Variants in TBC1D19 observed in about 807,000 individuals in gnomAD.
TBC1D19 encodes the protein TBC1 domain family, member 19.
In TBC1D19, 60 loss-of-function variants were observed where a neutral mutation model predicts 89.0. The ratio of observed to expected loss-of-function variants is 0.67; its 90% CI spans 0.55 to 0.84. The LOEUF is 0.84. Ranked by LOEUF, TBC1D19 falls within the 40% of genes least tolerant of loss-of-function variation. The pLI, the probability that TBC1D19 is intolerant of heterozygous loss-of-function variation, is 0.00. For synonymous variants in TBC1D19, 189 were observed against 199.7 expected, an observed-to-expected ratio of 0.95 and a Z score of 0.45; for missense variants, 500 against 610.8, an observed-to-expected ratio of 0.82 and a Z score of 1.91.
At chr4:26,698,664 GAT>G (rs1256483966) in intron 13 of TBC1D19, among the ~76,000 whole-genome samples, 1 of 152,058 alleles carries the variant, frequency 6.6e-6, no homozygotes, top group Non-Finnish European at 1.5e-5. Flanking sequence ...CCAAAACAGA[GAT>G]ATAGACCAAT....
intron 13 of TBC1D19, among the ~76,000 whole-genome samples, chr4:26,712,413 T>C (rs980548098): frequency 6.6e-6 from 1 of 152,028 alleles, no homozygotes; most frequent in Admixed American, 6.6e-5. Flanking sequence ...CCTTCCTCTG[T>C]CTTCAAAGCC....
In TBC1D19 at chr4:26,651,573, C is replaced by A. The variant is rs561579002; in HGVS notation, c.481-8024C>A. On this transcript the variant is annotated intron_variant, in intron 7 of 20. Coordinates refer to ENST00000264866, the MANE Select transcript of TBC1D19 (RefSeq NM_018317.4). ...TTGCACATTGATTTTGTATCCTGAG[C>A]CTTTGCTGAAGTTGCTTATCAGCTT... Among the ~76,000 whole-genome samples, 915 of 152,156 alleles carry A rather than the reference C, an allele frequency of 6.0e-3. 10 individuals carry two copies. The highest frequency in any genetic ancestry group is 0.021 in the African/African-American group (860 of 41,508).
At chr4:26,773,829 C>T in the TBC1D19 span, among the ~76,000 whole-genome samples, 1 of 152,270 alleles carries the variant, frequency 6.6e-6, no homozygotes, top group Middle Eastern at 3.4e-3. Flanking sequence ...GTCTATGTGT[C>T]TGTTCTTGTA....
chr4:26,768,412 A>C, the TBC1D19 span, among the ~76,000 whole-genome samples: 1 of 152,238 alleles, frequency 6.6e-6, no homozygotes, highest in Non-Finnish European at 1.5e-5. Context: ...TCCAGCATTC[A>C]AACAAAGTAA....
At chr4:26,710,668 T>C (rs748171415) in intron 13 of TBC1D19, among the ~76,000 whole-genome samples, 1 of 151,546 alleles carries the variant, frequency 6.6e-6, no homozygotes, top group Non-Finnish European at 1.5e-5. Context: ...ACTGTTCCTA[T>C]CTCCACATCC....
At chr4:26,659,442 A>G (rs1745079007) in intron 7 of TBC1D19, among the ~76,000 whole-genome samples, 155 bp from the exon 8 acceptor site, 1 of 152,152 alleles carries the variant, frequency 6.6e-6, no homozygotes, top group Admixed American at 6.5e-5. Context: ...ACATTTCAAT[A>G]TACTTTTATA....
At chr4:26,782,527 G>A in the TBC1D19 span, among the ~76,000 whole-genome samples, 251 of 152,266 alleles carry the variant, frequency 1.6e-3, no homozygotes, top group Non-Finnish European at 3.3e-3. Context: ...ACTGGAATTA[G>A]ACTCTTAATT....
intron 13 of TBC1D19, among the ~76,000 whole-genome samples, chr4:26,706,977 C>T (rs1212150027): frequency 2.0e-5 from 3 of 151,792 alleles, no homozygotes; most frequent in Non-Finnish European, 4.4e-5. Flanking sequence ...GTCCCATGTG[C>T]ATTTACATGG....
chr4:26,833,021 A>T, the TBC1D19 span, among the ~76,000 whole-genome samples: 5 of 152,234 alleles, frequency 3.3e-5, no homozygotes, highest in East Asian at 7.7e-4. Context: ...ACAAAACAAA[A>T]AACAAATATA....
chr4:26,787,582 G>A, the TBC1D19 span, among the ~76,000 whole-genome samples: 2 of 152,150 alleles, frequency 1.3e-5, no homozygotes, highest in African/African-American at 2.4e-5. Context: ...TGCATCTGGT[G>A]TCACTGAGGG....
intron 4 of TBC1D19, among the ~76,000 whole-genome samples, chr4:26,634,469 T>C (rs1042900182): frequency 3.9e-5 from 6 of 152,088 alleles, no homozygotes; most frequent in African/African-American, 1.4e-4. Context: ...TTCAAGCAGA[T>C]ACTCACAGCA....
chr4:26,822,055 T>G, the TBC1D19 span, among the ~76,000 whole-genome samples: 1 of 152,268 alleles, frequency 6.6e-6, no homozygotes, highest in Non-Finnish European at 1.5e-5. Flanking sequence ...CGCTGTTGCC[T>G]GTGCAAAGCA....
intron 13 of TBC1D19, among the ~76,000 whole-genome samples, chr4:26,693,167 G>A (rs990152187): frequency 1.1e-4 from 17 of 150,202 alleles, no homozygotes; most frequent in Non-Finnish European, 1.6e-4. Context: ...GTCATTGAAG[G>A]ATGATTGTGT....
intron 7 of TBC1D19, among the ~76,000 whole-genome samples, chr4:26,648,168 A>AG: frequency 6.6e-6 from 1 of 152,080 alleles, no homozygotes; most frequent in Non-Finnish European, 1.5e-5. Flanking sequence ...CAGAGCTCTC[A>AG]GGGCCCTTTC....
chr4:26,748,548 T>G (rs1410958985), intron 19 of TBC1D19, 22 bp downstream of exon 19: 1 of 1,526,290 alleles, frequency 6.6e-7, no homozygotes, highest in Admixed American at 1.7e-5. Context: ...TGCTTGTTTG[T>G]AGAACACATG....
At chr4:26,720,425 ACCTT>A (rs1270462972) in intron 15 of TBC1D19, among the ~76,000 whole-genome samples, 1 of 152,050 alleles carries the variant, frequency 6.6e-6, no homozygotes, top group Non-Finnish European at 1.5e-5. Flanking sequence ...TCCAATGCAG[ACCTT>A]CCTTTTGGGT....
At chr4:26,576,880 G>T in intron 1 of TBC1D19, 3 of 455,836 alleles carry the variant, frequency 6.6e-6, no homozygotes, top group Non-Finnish European at 1.3e-5. Context: ...GGTTAAAATT[G>T]TGTGTCAAAT....
At chr4:26,642,788 C>T (rs1460774585) in intron 7 of TBC1D19, among the ~76,000 whole-genome samples, 1 of 150,926 alleles carries the variant, frequency 6.6e-6, no homozygotes, top group Non-Finnish European at 1.5e-5. Context: ...ATCCTAGTCT[C>T]TGATAAAACA....
At chr4:26,717,795 G>A (rs1716725469) in intron 13 of TBC1D19, 138 bp from the exon 14 acceptor site, 3 of 597,308 alleles carry the variant, frequency 5.0e-6, no homozygotes, top group Non-Finnish European at 8.7e-6. Context: ...CTTACCAAAG[G>A]TATACCGATA....
Sources: allele counts gnomAD v4.1 joint callset (sites outside exome capture counted in the v4.1 genomes callset), GRCh38; gene constraint gnomAD v4.1.1; transcripts MANE v1.5; gene names NCBI Gene and HGNC (gene_info 2026-07-23, HGNC 2026-07-21).